The following AGBL4 variants were observed in gnomAD, a reference collection of about 807,000 sequenced individuals.
AGBL4 encodes cytosolic carboxypeptidase 6.
A neutral mutation model predicts 66.4 loss-of-function variants in AGBL4; 58 were observed. The ratio of observed to expected loss-of-function variants is 0.87; its 90% confidence interval spans 0.71 to 1.09. AGBL4 has a LOEUF of 1.09. Ranked by LOEUF, AGBL4 falls within the 50% of genes least tolerant of loss-of-function variation. The probability of loss-of-function intolerance (pLI) is 0.00; values close to 1 mark genes in which losing one functional copy is unlikely to be tolerated. For missense variants in AGBL4, 579 were observed against 631.0 expected (o/e 0.92, Z 0.88); for synonymous variants, 234 against 222.9 (o/e 1.05, Z -0.44).
intron 3 of AGBL4, among the ~76,000 whole-genome samples, chr1:49,685,637 A>G (rs1249885619): frequency 1.5e-4 from 23 of 152,122 alleles, no homozygotes; most frequent in Admixed American, 1.5e-3. Flanking sequence ...TTCAATGTGC[A>G]TTTCTGTAAT....
chr1:48,608,584 T>C (rs1432224926), intron 9 of AGBL4, among the ~76,000 whole-genome samples: 2 of 152,066 alleles, frequency 1.3e-5, no homozygotes, highest in South Asian at 2.1e-4. Flanking sequence ...GATGGATGGA[T>C]GGACGGATGG....
chr1:48,797,142 C>T (rs1460771375), intron 6 of AGBL4, among the ~76,000 whole-genome samples: 1 of 152,218 alleles, frequency 6.6e-6, no homozygotes, highest in African/African-American at 2.4e-5. Flanking sequence ...AAAATGTTAA[C>T]CTTTCATATC....
intron 5 of AGBL4, among the ~76,000 whole-genome samples, chr1:49,003,586 C>T (rs1028573167): frequency 3.3e-5 from 5 of 152,234 alleles, no homozygotes; most frequent in African/African-American, 7.2e-5. Flanking sequence ...CTCAGGTAGG[C>T]GTGATCTCCC....
At chr1:48,787,793 AAG>A (rs1645443985) in intron 6 of AGBL4, among the ~76,000 whole-genome samples, 1 of 152,220 alleles carries the variant, frequency 6.6e-6, no homozygotes, top group African/African-American at 2.4e-5. Context: ...AAGGATGGAT[AAG>A]AGAAAGATGC....
intron 2 of AGBL4, among the ~76,000 whole-genome samples, chr1:49,790,445 T>C (rs1644570277): frequency 6.6e-6 from 1 of 150,430 alleles, no homozygotes; most frequent in Non-Finnish European, 1.5e-5. Flanking sequence ...TCTATGCAGA[T>C]CATACTTGAA....
chr1:49,738,056 T>G (rs751615770), intron 2 of AGBL4, among the ~76,000 whole-genome samples: 2 of 151,896 alleles, frequency 1.3e-5, no homozygotes, highest in Admixed American at 1.3e-4. Context: ...TTGGTCAGTG[T>G]GTGCAGGACA....
At chr1:49,108,695 G>T (rs1376346426) in intron 4 of AGBL4, among the ~76,000 whole-genome samples, 3 of 152,162 alleles carry the variant, frequency 2.0e-5, no homozygotes, top group South Asian at 2.1e-4. Flanking sequence ...AATACAGTCA[G>T]CAGAGACAGG....
chr1:48,905,365 T>G (rs1189629898), intron 5 of AGBL4, among the ~76,000 whole-genome samples: 1 of 152,214 alleles, frequency 6.6e-6, no homozygotes, highest in Non-Finnish European at 1.5e-5. Context: ...TGGTAACAAA[T>G]GTACTGCAAT....
chr1:49,215,525 G>A (rs1380481083), intron 4 of AGBL4, among the ~76,000 whole-genome samples: 1 of 151,904 alleles, frequency 6.6e-6, no homozygotes, highest in African/African-American at 2.4e-5. Context: ...ACATTCTCAG[G>A]GTTCACTTCT....
At chr1:49,846,514 A>T in intron 2 of AGBL4, 1 of 754,860 alleles carries the variant, frequency 1.3e-6, no homozygotes, top group Non-Finnish European at 2.0e-6. Flanking sequence ...ACAGGGTGGA[A>T]ACAGACTAAT....
chr1:49,563,191 A>C (rs552798570), intron 3 of AGBL4, among the ~76,000 whole-genome samples: 1 of 131,996 alleles, frequency 7.6e-6, no homozygotes, highest in South Asian at 2.4e-4. Flanking sequence ...GTTGCTTATC[A>C]GCTTAAGGAG....
intron 2 of AGBL4, among the ~76,000 whole-genome samples, chr1:49,762,842 TTTG>T (rs1280062468): frequency 3.3e-5 from 5 of 152,230 alleles, no homozygotes; most frequent in Non-Finnish European, 7.3e-5. Context: ...ATCTTTTCAC[TTTG>T]TTAACTGCTT....
chr1:48,940,891 G>A (rs1415528167), intron 5 of AGBL4, among the ~76,000 whole-genome samples: 13 of 152,146 alleles, frequency 8.5e-5, no homozygotes. Context: ...GTTTTGTGGT[G>A]AGCAAAAATC....
intron 4 of AGBL4, among the ~76,000 whole-genome samples, chr1:49,245,146 T>G (rs928866549): frequency 6.6e-6 from 1 of 151,444 alleles, no homozygotes; most frequent in Non-Finnish European, 1.5e-5. Flanking sequence ...AGGTAGTTAT[T>G]ATTACTAGTA....
At chr1:49,684,558 C>A (rs1646753610) in intron 3 of AGBL4, among the ~76,000 whole-genome samples, 2 of 152,120 alleles carry the variant, frequency 1.3e-5, no homozygotes, top group Non-Finnish European at 2.9e-5. Flanking sequence ...GTAACCATGT[C>A]ATGTCACATC....
intron 11 of AGBL4, among the ~76,000 whole-genome samples, chr1:48,562,241 T>A (rs1569796737): frequency 6.6e-6 from 1 of 152,162 alleles, no homozygotes; most frequent in South Asian, 2.1e-4. Flanking sequence ...AGAAGAAAGA[T>A]CCCCTAAGAT....
intron 1 of AGBL4, among the ~76,000 whole-genome samples, chr1:49,854,142 A>G (rs749697350): frequency 1.3e-5 from 2 of 150,638 alleles, no homozygotes; most frequent in African/African-American, 2.4e-5. Context: ...AAATTGCACA[A>G]AAGATAGAAG....
intron 2 of AGBL4, among the ~76,000 whole-genome samples, chr1:49,739,697 G>A (rs1046182568): frequency 2.6e-5 from 4 of 152,160 alleles, no homozygotes; most frequent in Non-Finnish European, 4.4e-5. Flanking sequence ...GACTAACAGC[G>A]GATCTCTCGG....
chr1:49,300,928 G>T (rs1644733661), intron 3 of AGBL4, among the ~76,000 whole-genome samples: 1 of 152,076 alleles, frequency 6.6e-6, no homozygotes, highest in Admixed American at 6.6e-5. Context: ...TTCTTCCTTT[G>T]TGCTTCCACT....
Sources: gnomAD v4.1 joint callset for allele counts (sites outside exome capture counted in the v4.1 genomes callset) on GRCh38, gnomAD v4.1.1 for gene constraint, MANE v1.5 for transcripts, NCBI Gene and HGNC (gene_info 2026-07-23, HGNC 2026-07-21) for gene names.